NLRP7: variants seen among roughly 807,000 people sequenced by gnomAD.
NLRP7 encodes NLR family pyrin domain containing 7, also known as NACHT, LRR and PYD domains-containing protein 7.
A neutral mutation model predicts 85.5 loss-of-function variants in NLRP7; 72 were observed. The observed-to-expected ratio is 0.84, with a 90% CI of 0.70 to 1.02. The LOEUF (loss-of-function observed/expected upper bound fraction) is 1.02. NLRP7 is among the 50% of genes least tolerant of loss of function. The pLI is 0.00. For synonymous variants in NLRP7, 550 were observed against 505.2 expected (o/e 1.09, Z -1.19); for missense variants, 1,243 against 1,219.5 (o/e 1.02, Z -0.29).
chr19:54,931,584 A>G (rs2068678916), intron 8 of NLRP7, among the ~76,000 whole-genome samples: 1 of 152,022 alleles, frequency 6.6e-6, no homozygotes, highest in Non-Finnish European at 1.5e-5. Flanking sequence ...GCTACTCAGG[A>G]GGCTGAGGCA....
intron 1 of NLRP7, among the ~76,000 whole-genome samples, chr19:54,942,568 A>G (rs1218580539): frequency 1.4e-4 from 2 of 14,358 alleles, no homozygotes; most frequent in Non-Finnish European, 2.2e-4. Context: ...TACTAAAAAT[A>G]CAGAAATTAC....
intron 1 of NLRP7, among the ~76,000 whole-genome samples, chr19:54,960,447 C>T (rs1017670908): frequency 6.6e-6 from 1 of 151,490 alleles, no homozygotes; most frequent in African/African-American, 2.4e-5. Context: ...TAAGCCACCG[C>T]GCTCAACCAG....
chr19:54,932,346 T>C (rs758077646), intron 8 of NLRP7, among the ~76,000 whole-genome samples: 5 of 151,418 alleles, frequency 3.3e-5, no homozygotes, highest in Non-Finnish European at 5.9e-5. Flanking sequence ...GAGAATCGCT[T>C]GAACCTGGGA....
chr19:54,961,119 A>G (rs2070027443), intron 1 of NLRP7, among the ~76,000 whole-genome samples: 1 of 151,998 alleles, frequency 6.6e-6, no homozygotes, highest in African/African-American at 2.4e-5. Flanking sequence ...CACACCTGTA[A>G]TCTCAGTACT....
At chr19:54,930,905 G>A (rs2068649248) in intron 8 of NLRP7, among the ~76,000 whole-genome samples, 1 of 151,972 alleles carries the variant, frequency 6.6e-6, no homozygotes, top group African/African-American at 2.4e-5. Flanking sequence ...CGCCTGTAGT[G>A]CCAGCTACTC....
intron 1 of NLRP7, among the ~76,000 whole-genome samples, chr19:54,962,732 T>C (rs1253546975): frequency 6.6e-6 from 1 of 151,370 alleles, no homozygotes. Flanking sequence ...CCCGAGTAGC[T>C]GGGACTACAG....
chr19:54,935,222 AGG>A (rs1556727761), intron 6 of NLRP7, among the ~76,000 whole-genome samples: 10,930 of 142,288 alleles, frequency 0.077, 719 homozygotes, highest in Admixed American at 0.21. Flanking sequence ...ATGATTTTGC[AGG>A]GGGGAAAAAA....
intron 4 of NLRP7, among the ~76,000 whole-genome samples, 168 bp downstream of exon 4, chr19:54,938,720 C>T (rs1556730218): frequency 6.6e-6 from 1 of 152,154 alleles, no homozygotes; most frequent in Non-Finnish European, 1.5e-5. Flanking sequence ...AGCGAGACTC[C>T]GTCTCAAAAA....
At position 54,937,297 on chromosome 19, in the gene NLRP7, T is replaced by A. The variant is rs1035094054; in HGVS notation, c.2129+747A>T. 4.4e-4 allele frequency among the ~76,000 whole-genome samples: 65 copies of A among 149,258 alleles called. 1 individual carries two copies. The highest frequency in any genetic ancestry group is 7.7e-4 in the Non-Finnish European group (52 of 67,316). ...TAGGCTTAATACTTGGGTGACAAAA[T>A]AATCTGTACAACAAACTCCTATGAC... On this transcript the variant is annotated intron_variant, in intron 5 of 9. Coordinates refer to ENST00000340844, the Ensembl canonical transcript of NLRP7.
At chr19:54,923,727 G>A (rs1225888669) in exon 10 of NLRP7, 54 of 1,612,248 alleles carry the variant, frequency 3.3e-5, no homozygotes, top group Non-Finnish European at 3.9e-5. Flanking sequence ...TTCGTAGAGC[G>A]ATCCCAGGCT....
chr19:54,943,271 C>A (rs896220292), intron 1 of NLRP7, among the ~76,000 whole-genome samples: 8 of 151,946 alleles, frequency 5.3e-5, no homozygotes, highest in African/African-American at 1.9e-4. Context: ...CCACTGCACG[C>A]CAGCCTGGGT....
chr19:54,934,732 C>T lies in NLRP7; in HGVS notation c.2301-73G>A. 1.6e-6 allele frequency: 2 copies of T among 1,245,032 alleles called. No individual in the cohort carries two copies. The highest frequency in any genetic ancestry group is 2.2e-6 in the Non-Finnish European group (2 of 897,862). The allele number at this position is 1,245,032 out of a possible 1,614,324, so 77.1% of individuals were successfully genotyped here. On this transcript the variant is annotated intron_variant, in intron 6 of 9. Transcript: ENST00000340844. This position sits in a 1 kb window ranked among gnomAD's most constrained non-coding sequence, Gnocchi z 6.7. The stretch of plus-strand genomic sequence containing the variant: ...CCCTATCAGCTTTTTTTTTTTGAGA[C>T]AGAGTTTCACTCTGTTGCCCAGTCT...
At chr19:54,947,348 C>T (rs976944175) in intron 1 of NLRP7, 121 bp downstream of exon 1, 6 of 678,180 alleles carry the variant, frequency 8.8e-6, no homozygotes, top group African/African-American at 3.8e-5. Flanking sequence ...AATCAAAGAT[C>T]CTTCCAGCAT....
chr19:54,945,269 A>T (rs1488056333), intron 1 of NLRP7, among the ~76,000 whole-genome samples: 2 of 150,786 alleles, frequency 1.3e-5, no homozygotes, highest in Non-Finnish European at 3.0e-5. Context: ...AAGAAAAGAA[A>T]AATTCAGGGT....
chr19:54,930,528 C>A (rs1338634506), exon 9 of NLRP7: 1 of 1,612,136 alleles, frequency 6.2e-7, no homozygotes, highest in South Asian at 1.1e-5. Context: ...AGTTTGGATT[C>A]TCTAATGCCT....
intron 1 of NLRP7, among the ~76,000 whole-genome samples, chr19:54,960,875 G>GT (rs2070019626): frequency 6.6e-6 from 1 of 151,940 alleles, no homozygotes; most frequent in African/African-American, 2.4e-5. Flanking sequence ...GATTACAGGC[G>GT]TGAGCCACCA....
At position 54,934,788 on chromosome 19, in the gene NLRP7, C is replaced by A; in HGVS notation, c.2301-129G>T. On this transcript the variant is annotated intron_variant, in intron 6 of 9. Coordinates refer to ENST00000340844, the Ensembl canonical transcript of NLRP7. The surrounding 1 kb of genome is among the most constrained non-coding windows in gnomAD (Gnocchi z 6.7). The stretch of plus-strand genomic sequence containing the variant: ...GCAAAGGCGTGATCTCACCTCACTG[C>A]AGCCTCCGCCTCCCGGGTTCAAGCT... 1.4e-6 allele frequency: 1 copy of A among 702,910 alleles called. No individual in the cohort carries two copies. Among genetic ancestry groups the A allele is most frequent in the Non-Finnish European group, 2.3e-6 (1 of 429,066 alleles). 43.5% of individuals were successfully genotyped at this position (702,910 alleles called of 1,614,324 possible). A position where few individuals can be genotyped will look rare whatever the true frequency, so the allele number is the denominator to read the frequency against.
upstream of NLRP7, among the ~76,000 whole-genome samples, chr19:54,951,582 C>CA (rs1569542020): frequency 2.0e-5 from 3 of 151,796 alleles, no homozygotes; most frequent in South Asian, 4.2e-4. Context: ...AAAAACAAAA[C>CA]AAAAAATGAA....
chr19:54,959,284 G>GC (rs2069958074), intron 1 of NLRP7, among the ~76,000 whole-genome samples: 2 of 150,106 alleles, frequency 1.3e-5, no homozygotes, highest in African/African-American at 2.4e-5. Context: ...GATTACAGGC[G>GC]CACGCCACCA....
Sources: allele counts gnomAD v4.1 joint callset (sites outside exome capture counted in the v4.1 genomes callset), GRCh38; gene constraint gnomAD v4.1.1; non-coding constraint Gnocchi (gnomAD v3.1); transcripts MANE v1.5; gene names NCBI Gene and HGNC (gene_info 2026-07-23, HGNC 2026-07-21).